Variants in KLHL32 observed in about 807,000 individuals in gnomAD.
KLHL32 encodes kelch like family member 32.
In KLHL32, 35 loss-of-function variants were observed where a neutral mutation model predicts 64.8. The observed-to-expected ratio is 0.54, with a 90% CI of 0.41 to 0.72. The LOEUF is 0.72. Among genes scored for constraint, KLHL32 ranks in the 30% least tolerant of loss-of-function variants. The pLI, the probability that KLHL32 is intolerant of heterozygous loss-of-function variation, is 0.00. For synonymous variants in KLHL32, 259 were observed against 281.0 expected (o/e 0.92, Z 0.78); for missense variants, 589 against 768.5 (o/e 0.77, Z 2.76).
intron 3 of KLHL32, among the ~76,000 whole-genome samples, chr6:97,027,639 A>G (rs563082537): frequency 2.6e-5 from 4 of 152,356 alleles, no homozygotes; most frequent in Admixed American, 1.3e-4. Context: ...TCACAAGCTT[A>G]GGATGATTTA....
At chr6:96,904,624 G>A in the KLHL32 span, among the ~76,000 whole-genome samples, 11 of 152,048 alleles carry the variant, frequency 7.2e-5, no homozygotes, top group South Asian at 2.1e-4. Context: ...TTGTAATAGC[G>A]TTTTTAATGA....
At chr6:97,102,382 GA>G in intron 6 of KLHL32, among the ~76,000 whole-genome samples, 1 of 152,288 alleles carries the variant, frequency 6.6e-6, no homozygotes, top group South Asian at 2.1e-4. Context: ...ATGTGATACA[GA>G]AGGGTTTTCT....
intron 3 of KLHL32, among the ~76,000 whole-genome samples, chr6:97,029,365 AC>A (rs1334319824): frequency 3.9e-5 from 6 of 152,216 alleles, no homozygotes; most frequent in Non-Finnish European, 5.9e-5. Context: ...TAGAAAAAAA[AC>A]AATATGTAAC....
At chr6:96,950,041 T>G (rs1321922304) in intron 1 of KLHL32, among the ~76,000 whole-genome samples, 1 of 152,124 alleles carries the variant, frequency 6.6e-6, no homozygotes, top group East Asian at 1.9e-4. Flanking sequence ...AGAGCCACAG[T>G]GTATTTTTCA....
At chr6:97,122,513 CT>C (rs970491676) in intron 7 of KLHL32, among the ~76,000 whole-genome samples, 4 of 152,040 alleles carry the variant, frequency 2.6e-5, no homozygotes, top group African/African-American at 4.8e-5. Context: ...TATGGTATTA[CT>C]TTTTTTAAGG....
intron 4 of KLHL32, chr6:97,062,272 GAC>G (rs1789031985): frequency 6.6e-6 from 1 of 152,192 alleles, no homozygotes; most frequent in South Asian, 2.1e-4. Context: ...GAGCGCAACT[GAC>G]AGGATTTAAA....
At chr6:97,069,597 C>CGAGCA (rs1562302761) in intron 5 of KLHL32, among the ~76,000 whole-genome samples, 2 of 152,030 alleles carry the variant, frequency 1.3e-5, no homozygotes, top group Non-Finnish European at 2.9e-5. Flanking sequence ...GTGGGGCTTT[C>CGAGCA]GAGCAGAGGG....
At chr6:96,977,823 G>A (rs1047604319) in intron 3 of KLHL32, among the ~76,000 whole-genome samples, 2 of 152,090 alleles carry the variant, frequency 1.3e-5, no homozygotes, top group African/African-American at 4.8e-5. Flanking sequence ...AAGATAAAGA[G>A]GTAATTACTT....
intron 3 of KLHL32, 25 bp downstream of exon 3, chr6:96,976,202 G>A (rs769214420): frequency 4.8e-5 from 72 of 1,502,250 alleles, no homozygotes; most frequent in African/African-American, 5.6e-5. Flanking sequence ...TTTGTTTCTC[G>A]TAAAATATTG....
intron 3 of KLHL32, chr6:97,024,880 T>C (rs1782507434): frequency 2.1e-6 from 1 of 465,920 alleles, no homozygotes; most frequent in Non-Finnish European, 2.8e-6. Context: ...GTTTCAAATA[T>C]ATATTGAAAT....
intron 1 of KLHL32, among the ~76,000 whole-genome samples, chr6:96,947,497 A>T (rs775116323): frequency 9.2e-5 from 14 of 152,218 alleles, no homozygotes; most frequent in Non-Finnish European, 1.8e-4. Flanking sequence ...TCTCATGAAA[A>T]GGACACTGTG....
intron 3 of KLHL32, among the ~76,000 whole-genome samples, chr6:97,033,423 T>G (rs2128118706): frequency 1.3e-5 from 2 of 152,312 alleles, no homozygotes; most frequent in South Asian, 4.1e-4. Flanking sequence ...TATCCATTCA[T>G]CCGTTGAGGG....
At chr6:96,966,796 T>C (rs1774504084) in intron 1 of KLHL32, among the ~76,000 whole-genome samples, 200 bp from the exon 2 acceptor site, 1 of 152,228 alleles carries the variant, frequency 6.6e-6, no homozygotes, top group African/African-American at 2.4e-5. Context: ...CCTTGAAGCT[T>C]CAATAATGTG....
At chr6:97,037,446 AG>A (rs1784465382) in intron 3 of KLHL32, among the ~76,000 whole-genome samples, 2 of 152,188 alleles carry the variant, frequency 1.3e-5, no homozygotes, top group South Asian at 4.1e-4. Flanking sequence ...AATAGTACAA[AG>A]AATATAAAAT....
the KLHL32 span, among the ~76,000 whole-genome samples, chr6:96,905,494 C>T: frequency 6.6e-6 from 1 of 152,174 alleles, no homozygotes; most frequent in Non-Finnish European, 1.5e-5. Context: ...TGGCATCAGA[C>T]AAACCTGCAT....
intron 1 of KLHL32, among the ~76,000 whole-genome samples, chr6:96,960,078 C>G (rs916709683): frequency 7.2e-5 from 11 of 152,238 alleles, no homozygotes; most frequent in African/African-American, 2.4e-4. Context: ...GCCTTATTAT[C>G]CAGATCCATA....
intron 6 of KLHL32, among the ~76,000 whole-genome samples, chr6:97,107,508 A>G (rs1249936013): frequency 1.3e-5 from 2 of 152,212 alleles, no homozygotes; most frequent in African/African-American, 2.4e-5. Context: ...TGTAAAATTT[A>G]AAAGCTTGAG....
At chr6:97,072,246 T>A (rs908302685) in intron 5 of KLHL32, among the ~76,000 whole-genome samples, 11 of 152,154 alleles carry the variant, frequency 7.2e-5, no homozygotes, top group Admixed American at 4.6e-4. Flanking sequence ...CCACTACTAC[T>A]GTCTTCAATC....
intron 1 of KLHL32, among the ~76,000 whole-genome samples, chr6:96,939,207 A>G (rs946537516): frequency 1.3e-5 from 2 of 152,216 alleles, no homozygotes; most frequent in Non-Finnish European, 2.9e-5. Flanking sequence ...TGCTTCTTAA[A>G]GCTGCCATTG....
Sources: gnomAD v4.1 joint callset for allele counts (sites outside exome capture counted in the v4.1 genomes callset) on GRCh38, gnomAD v4.1.1 for gene constraint, MANE v1.5 for transcripts, NCBI Gene and HGNC (gene_info 2026-07-23, HGNC 2026-07-21) for gene names.